CRYBG2: variants seen among roughly 807,000 people sequenced by gnomAD.
CRYBG2 encodes the protein beta/gamma crystallin domain-containing protein 2.
Under a neutral mutation model 153.4 loss-of-function variants are expected in CRYBG2, and 106 were observed. The observed-to-expected ratio is 0.69, with a 90% confidence interval of 0.59 to 0.81. The LOEUF (loss-of-function observed/expected upper bound fraction) is 0.81, where lower values mean the gene tolerates loss of function less well. Ranked by LOEUF, CRYBG2 falls within the 30% of genes least tolerant of loss-of-function variation. CRYBG2 has a pLI of 0.00. For synonymous variants in CRYBG2, 851 were observed against 877.8 expected (o/e 0.97, Z 0.54); for missense variants, 1,996 against 2,112.0 (o/e 0.95, Z 1.08).
At position 26,328,975 on chromosome 1, in the gene CRYBG2, CCTT is replaced by C. The variant is rs1403968895; in HGVS notation, c.4315-105_4315-103del. 2.2e-6 allele frequency: 3 copies of C among 1,394,012 alleles called. No homozygotes were observed. The East Asian group carries it at 7.2e-5, about 33-fold the overall frequency. The allele number at this position is 1,394,012 out of a possible 1,614,324, so 86.4% of individuals were successfully genotyped here. On this transcript the variant is annotated intron_variant, in intron 15 of 19. Transcript: ENST00000308182. ...CTGACTCCCAGATCTGTATGTCAGG[CCTT>C]CTTCCCTCCTGAGCTCAGTTCTGCA...
intron 18 of CRYBG2, 99 bp downstream of exon 18, chr1:26,324,053 G>T: frequency 2.2e-6 from 3 of 1,337,530 alleles, no homozygotes; most frequent in Non-Finnish European, 3.1e-6. Flanking sequence ...TGGCTTCTGT[G>T]TGCATCCCTC....
intron 1 of CRYBG2, among the ~76,000 whole-genome samples, chr1:26,349,590 C>T (rs1323962868): frequency 6.6e-6 from 1 of 152,042 alleles, no homozygotes; most frequent in African/African-American, 2.4e-5. Context: ...TAACACCTGC[C>T]AAAGAAGACC....
rs549028022 is a variant in CRYBG2 at position 26,345,952 on chromosome 1, T to G, written c.706A>C (p.Lys236Gln). The G allele has an allele frequency of 1.3e-6, 2 of 1,594,712 alleles. No homozygotes were observed. The highest frequency in any genetic ancestry group is 2.7e-5 in the African/African-American group (2 of 74,994). The change falls in exon 2 of 20, where the codon AAA (lysine) becomes CAA (glutamine). Residue 236 changes from lysine (K) to glutamine (Q), a missense_variant. Transcript: ENST00000308182. ...GCAGGCACGAGGTTACTTAGCACTT[T>G]CACGGCCTGGCTGCGGCTGGGCGAG... ...PGSPSRSQAV[K>Q]VLSNLVPAGH...
chr1:26,339,439 G>A lies in CRYBG2; in HGVS notation c.3205-10C>T. The stretch of plus-strand genomic sequence containing the variant: ...CCGGGGTGCTGTAGTCCTGTGGAAG[G>A]AGGGGGAAAATTAAATATAGATAAA... On this transcript the variant is annotated splice_polypyrimidine_tract_variant and intron_variant, in intron 5 of 19. Coordinates refer to ENST00000308182, the MANE Select transcript of CRYBG2 (RefSeq NM_001039775.4). The A allele has an allele frequency of 6.2e-7, 1 of 1,613,496 alleles. No homozygotes were observed. The highest frequency in any genetic ancestry group is 8.5e-7 in the Non-Finnish European group (1 of 1,179,958).
rs766336653 is a variant in CRYBG2, at chr1:26,343,070, G to A, written c.3051C>T (p.Ala1017=). 17 of 1,550,208 alleles carry A rather than the reference G, an allele frequency of 1.1e-5. No homozygotes were observed. Among genetic ancestry groups the A allele is most frequent in the Non-Finnish European group, 1.5e-5 (17 of 1,146,924 alleles). ...ACCAGCCTCGAACTACCCTTATGGA[G>A]GCTACGGGGGCCCAGCCTGAGGCAT... ...IVDASGWAPV[A]SIRVVRGCWV... Residue 1017 remains alanine, a synonymous_variant, in exon 4 of 20, where the codon GCC becomes GCT. Transcript: ENST00000308182. The surrounding 1 kb of genome is among the most constrained non-coding windows in gnomAD (Gnocchi z 4.1).
In CRYBG2 at chr1:26,339,411, T is replaced by C; in HGVS notation, c.3223A>G (p.Ile1075Val). Residue 1075 changes from isoleucine (I) to valine (V), a missense_variant, in exon 6 of 20, where the codon ATC becomes GTC. Physicochemically the swap from Ile to Val is conservative, Grantham distance 29. Transcript: ENST00000308182. ...RVVWDYSTPE[I>V]SLFSEEGLKG... is the part of the protein sequence containing the mutation. ...AGGCCCTCCTCAGAGAAGAGGCTGA[T>C]TTCCGGGGTGCTGTAGTCCTGTGGA... The C allele has an allele frequency of 1.2e-6, 2 of 1,614,130 alleles. No homozygotes were observed. Among genetic ancestry groups the C allele is most frequent in the Non-Finnish European group, 1.7e-6 (2 of 1,180,038 alleles).
rs759820112 is a variant in CRYBG2, at chr1:26,337,316, G to A, written c.3708C>T (p.Tyr1236=). 1.9e-6 allele frequency: 3 copies of A among 1,614,074 alleles called. No homozygotes were observed. The Admixed American group carries it at 5.0e-5, about 27-fold the overall frequency. The change falls in exon 10 of 20, where the codon TAC becomes TAT. Residue 1236 remains tyrosine, a synonymous_variant. Transcript: ENST00000308182. ...AGCCTCCCCAGTGTGACCAGTCTGG[G>A]TATTCCCCCTCCTCCAGCAGATACT... The part of the protein sequence containing the change: ...GHQYLLEEGE[Y]PDWSHWGGYD...
intron 15 of CRYBG2, 21 bp downstream of exon 15, chr1:26,331,468 G>T (rs765660412): frequency 6.2e-7 from 1 of 1,601,970 alleles, no homozygotes; most frequent in Non-Finnish European, 8.5e-7. Flanking sequence ...GGATTGCCTG[G>T]AACCAGACAT....
chr1:26,343,998 T>A lies in CRYBG2; in HGVS notation c.2660A>T (p.His887Leu). 1 of 1,536,134 alleles carries A rather than the reference T, an allele frequency of 6.5e-7. No individual in the cohort carries two copies. The highest frequency in any genetic ancestry group is 8.7e-7 in the Non-Finnish European group (1 of 1,146,824). Reference sequence around the variant, plus strand: ...CTGCAGTTCCAATCCCAGCTCTGAGTGGGGGCCCTTGGTTCCTGCTACATG... The same window carrying A: ...CTGCAGTTCCAATCCCAGCTCTGAGAGGGGGCCCTTGGTTCCTGCTACATG... ...KKHVAGTKGP[H>L]SELGLELQGG... is the part of the protein sequence containing the mutation. The change falls in exon 2 of 20, where the codon CAC (histidine) becomes CTC (leucine). Residue 887 changes from histidine to leucine, a missense_variant. Transcript: ENST00000308182. The surrounding 1 kb of genome is among the most constrained non-coding windows in gnomAD (Gnocchi z 4.1).
rs370637960 is a variant in CRYBG2 at position 26,336,879 on chromosome 1, G to C, written c.3873C>G (p.His1291Gln). 2.5e-6 allele frequency: 4 copies of C among 1,608,658 alleles called. No individual in the cohort carries two copies. Among genetic ancestry groups the C allele is most frequent in the African/African-American group, 2.7e-5 (2 of 74,928 alleles). The change falls in exon 11 of 20, where the codon CAC becomes CAG. Residue 1291 changes from histidine to glutamine, a missense_variant. By Grantham distance (24) the His-to-Gln change is conservative (BLOSUM62 0). Coordinates refer to ENST00000308182, the MANE Select transcript of CRYBG2 (RefSeq NM_001039775.4). This position sits in a 1 kb window ranked among gnomAD's most constrained non-coding sequence, Gnocchi z 4.9. The part of the protein sequence containing the change: ...KALPDVELVQ[H>Q]GPSTQAIHVL... ...CGTGGATGGCCTGTGTGCTGGGGCC[G>C]TGTTGCACCAGCTCCACATCCGGCA...
chr1:26,326,945 T>C, intron 17 of CRYBG2: 1 of 490,124 alleles, frequency 2.0e-6, no homozygotes, highest in South Asian at 1.5e-5. Flanking sequence ...GCTAAATGTG[T>C]TCGTGGCAGG....
chr1:26,336,504 C>T lies in CRYBG2; in HGVS notation c.4038+102G>A. On this transcript the variant is annotated intron_variant, in intron 12 of 19. Transcript: ENST00000308182. This position sits in a 1 kb window ranked among gnomAD's most constrained non-coding sequence, Gnocchi z 4.9. ...CTTCTAAGGCCCCGCCCCAAGCGCC[C>T]AGGCAGGTCCTCCAGCCCGCTACCT... The T allele has an allele frequency of 6.5e-7, 1 of 1,546,424 alleles. No homozygotes were observed.
chr1:26,345,373 C>T lies in CRYBG2; in HGVS notation c.1285G>A (p.Asp429Asn). 1 of 1,613,288 alleles carries T rather than the reference C, an allele frequency of 6.2e-7. No individual in the cohort carries two copies. The highest frequency in any genetic ancestry group is 8.5e-7 in the Non-Finnish European group (1 of 1,179,824). Residue 429 changes from aspartate (D) to asparagine (N), a missense_variant, in exon 2 of 20, where the codon GAT becomes AAT. Transcript: ENST00000308182. Reference sequence around the variant, plus strand: ...GAAAGACCTCCTGGGCTGGGGACATCCTTCCTTCTTGTAGTGGATGGAGCA... The same window carrying T: ...GAAAGACCTCCTGGGCTGGGGACATTCTTCCTTCTTGTAGTGGATGGAGCA... Reference protein sequence around the residue: ...PPAPSTTRRKDVPSPGGLSAP... With the variant: ...PPAPSTTRRKNVPSPGGLSAP...
Position 26,336,828 on chromosome 1 carries a change from C to T in CRYBG2, c.3911+13G>A. On this transcript the variant is annotated intron_variant, in intron 11 of 19. Coordinates refer to ENST00000308182, the MANE Select transcript of CRYBG2 (RefSeq NM_001039775.4). The surrounding 1 kb of genome is among the most constrained non-coding windows in gnomAD (Gnocchi z 4.9). Reference sequence around the variant, plus strand: ...CCCGGGCCCGCCCCGCTCCCGGAGCCCGGGTCACTTACACGCCGCTGAGCA... The same window carrying T: ...CCCGGGCCCGCCCCGCTCCCGGAGCTCGGGTCACTTACACGCCGCTGAGCA... The T allele has an allele frequency of 1.3e-6, 2 of 1,579,078 alleles. No homozygotes were observed. The highest frequency in any genetic ancestry group is 1.7e-6 in the Non-Finnish European group (2 of 1,164,128).
chr1:26,348,190 T>C (rs2074248032), intron 1 of CRYBG2, among the ~76,000 whole-genome samples: 1 of 152,160 alleles, frequency 6.6e-6, no homozygotes, highest in African/African-American at 2.4e-5. Flanking sequence ...TGCACACGTG[T>C]GTATGGGCAT....
chr1:26,345,770 G>A lies in CRYBG2; in HGVS notation c.888C>T (p.Ile296=). The A allele has an allele frequency of 1.3e-6, 2 of 1,597,180 alleles. No individual in the cohort carries two copies. The highest frequency in any genetic ancestry group is 1.7e-6 in the Non-Finnish European group (2 of 1,179,268). Residue 296 remains isoleucine (I), a synonymous_variant, in exon 2 of 20, where the codon ATC becomes ATT. Coordinates refer to ENST00000308182, the MANE Select transcript of CRYBG2 (RefSeq NM_001039775.4). ...KDSSALASTG[I]PASAHLPKNQ... is the part of the protein sequence containing the mutation. The stretch of plus-strand genomic sequence containing the variant: ...TCTTAGGCAGGTGAGCACTGGCTGG[G>A]ATGCCTGTAGAGGCCAGGGCAGAGC...
At chr1:26,347,462 TTTTA>T (rs1430544674) in intron 1 of CRYBG2, among the ~76,000 whole-genome samples, 5 of 151,034 alleles carry the variant, frequency 3.3e-5, no homozygotes, top group Non-Finnish European at 7.4e-5. Context: ...CCCAGCTAGT[TTTTA>T]TTTATTTATT....
intron 1 of CRYBG2, among the ~76,000 whole-genome samples, chr1:26,352,555 G>C (rs566293944): frequency 1.3e-5 from 2 of 151,888 alleles, no homozygotes; most frequent in Non-Finnish European, 2.9e-5. Flanking sequence ...ACTTCTTCTC[G>C]ACTCCCATAT....
chr1:26,347,837 G>A (rs1026115582), intron 1 of CRYBG2, among the ~76,000 whole-genome samples: 3 of 152,020 alleles, frequency 2.0e-5, no homozygotes, highest in Admixed American at 6.6e-5. Flanking sequence ...TGTTGCCCAT[G>A]CTGGTCTCGA....
Sources: gnomAD v4.1 joint callset for allele counts (sites outside exome capture counted in the v4.1 genomes callset) on GRCh38, gnomAD v4.1.1 for gene constraint, Gnocchi (gnomAD v3.1) non-coding constraint, MANE v1.5 for transcripts, NCBI Gene and HGNC (gene_info 2026-07-23, HGNC 2026-07-21) for gene names.